Variants in HECW1 observed in about 807,000 individuals in gnomAD.
HECW1 encodes HECT, C2 and WW domain containing E3 ubiquitin protein ligase 1, also known as E3 ubiquitin-protein ligase HECW1.
A neutral mutation model predicts 182.3 loss-of-function variants in HECW1; 61 were observed. The observed-to-expected ratio is 0.33, with a 90% CI of 0.27 to 0.41. The LOEUF (loss-of-function observed/expected upper bound fraction) is 0.41. Among genes scored for constraint, HECW1 ranks in the 10% least tolerant of loss-of-function variants. The probability of loss-of-function intolerance (pLI) is 1.00; values close to 1 mark genes in which losing one functional copy is unlikely to be tolerated. For missense variants in HECW1, 1,739 were observed against 2,108.9 expected, an observed-to-expected ratio of 0.82 and a Z score of 3.44; for synonymous variants, 859 against 832.6, an observed-to-expected ratio of 1.03 and a Z score of -0.55.
At chr7:43,303,462 T>G (rs1807133048) in intron 3 of HECW1, among the ~76,000 whole-genome samples, 1 of 151,892 alleles carries the variant, frequency 6.6e-6, no homozygotes, top group Non-Finnish European at 1.5e-5. Flanking sequence ...TAAAATAATG[T>G]GTCTGACTGG....
intron 8 of HECW1, among the ~76,000 whole-genome samples, chr7:43,422,394 G>A (rs1390483442): frequency 1.4e-5 from 2 of 140,066 alleles, no homozygotes; most frequent in South Asian, 2.3e-4. Flanking sequence ...GAGGAGTCTC[G>A]CTCTGTCACC....
At chr7:43,480,844 T>G (rs547366327) in intron 17 of HECW1, among the ~76,000 whole-genome samples, 7 of 152,184 alleles carry the variant, frequency 4.6e-5, no homozygotes, top group African/African-American at 1.7e-4. Flanking sequence ...CTCCTCCAGA[T>G]AGCAAACATA....
At chr7:43,201,388 A>C (rs1227829079) in intron 2 of HECW1, among the ~76,000 whole-genome samples, 1 of 152,242 alleles carries the variant, frequency 6.6e-6, no homozygotes, top group Non-Finnish European at 1.5e-5. Flanking sequence ...ACCTCTGTGC[A>C]TGTTCATGGG....
chr7:43,145,398 C>T (rs564573765), intron 2 of HECW1, among the ~76,000 whole-genome samples: 6 of 152,256 alleles, frequency 3.9e-5, no homozygotes, highest in East Asian at 3.9e-4. Context: ...TGGGCTCAGG[C>T]GATCCTCCCA....
intron 2 of HECW1, among the ~76,000 whole-genome samples, chr7:43,182,230 T>A (rs1241097376): frequency 6.6e-6 from 1 of 152,254 alleles, no homozygotes; most frequent in Admixed American, 6.5e-5. Flanking sequence ...ATTTAACCAG[T>A]CCAATGTCAT....
chr7:43,262,826 T>C (rs1801329189), intron 3 of HECW1, among the ~76,000 whole-genome samples: 1 of 152,144 alleles, frequency 6.6e-6, no homozygotes, highest in Non-Finnish European at 1.5e-5. Flanking sequence ...ACTTCCACCT[T>C]CTCCCTACTT....
intron 2 of HECW1, among the ~76,000 whole-genome samples, chr7:43,217,355 G>A (rs1002252686): frequency 1.3e-5 from 2 of 152,200 alleles, no homozygotes; most frequent in African/African-American, 4.8e-5. Context: ...GCTAAATGAA[G>A]TCCCTTTCTG....
At chr7:43,331,413 A>T (rs1811470429) in intron 5 of HECW1, among the ~76,000 whole-genome samples, 2 of 151,690 alleles carry the variant, frequency 1.3e-5, no homozygotes, top group South Asian at 4.2e-4. Flanking sequence ...ACATGGTGAA[A>T]CCCCATCTCT....
In HECW1 at chr7:43,432,402, G is replaced by A. The variant is rs60532278; in HGVS notation, c.802-5601G>A. On this transcript the variant is annotated intron_variant, in intron 8 of 29. Coordinates refer to ENST00000395891, the MANE Select transcript of HECW1 (RefSeq NM_015052.5). The surrounding 1 kb of genome is among the most constrained non-coding windows in gnomAD (Gnocchi z 4.1). ...GATCCGCCCGCCTCGGCCTCCCAAA[G>A]TGCTGGGATTACAGGTGTGAGCCAC... Among the ~76,000 whole-genome samples, 254 of 152,290 alleles carry A rather than the reference G, an allele frequency of 1.7e-3. 3 individuals carry two copies. In the East Asian group the frequency reaches 0.031, roughly 18 times the overall value.
chr7:43,132,166 G>A lies in HECW1; in HGVS notation c.-32+17775G>A, dbSNP rs1395892653. ...GCATCTCCACACAGCCCCTCACAGC[G>A]CCCCCCCGCCCCAAGTAAGGTTTTG... is the stretch of plus-strand genomic sequence containing the variant. On this transcript the variant is annotated intron_variant, in intron 2 of 29. Coordinates refer to ENST00000395891, the MANE Select transcript of HECW1 (RefSeq NM_015052.5). Among the ~76,000 whole-genome samples, 5 of 141,958 alleles carry A rather than the reference G, an allele frequency of 3.5e-5. No homozygotes were observed. In the East Asian group the frequency reaches 6.2e-4, roughly 18 times the overall value. The allele number at this position is 141,958 out of a possible 152,430, so 93.1% of individuals were successfully genotyped here.
intron 5 of HECW1, among the ~76,000 whole-genome samples, chr7:43,325,770 G>C: frequency 6.6e-6 from 1 of 151,998 alleles, no homozygotes; most frequent in Non-Finnish European, 1.5e-5. Flanking sequence ...CTCACCTCCC[G>C]GGTCAGTCTT....
chr7:43,140,246 A>G (rs1788016659), intron 2 of HECW1, among the ~76,000 whole-genome samples: 1 of 151,730 alleles, frequency 6.6e-6, no homozygotes, highest in Admixed American at 6.6e-5. Flanking sequence ...GATTATTTTT[A>G]TGCTGACATC....
chr7:43,390,548 A>C (rs2074985189), intron 6 of HECW1, among the ~76,000 whole-genome samples: 1 of 147,966 alleles, frequency 6.8e-6, no homozygotes, highest in Admixed American at 6.8e-5. Context: ...AAAAAAAAAA[A>C]CAAAAAAAAA....
intron 12 of HECW1, among the ~76,000 whole-genome samples, chr7:43,452,043 T>A (rs896775755): frequency 2.6e-5 from 4 of 152,244 alleles, no homozygotes; most frequent in African/African-American, 4.8e-5. Context: ...ACATCTTTTA[T>A]ATGTGGACTA....
rs1226147926 is a variant in HECW1 at position 43,311,939 on chromosome 7, C to T, written c.204C>T (p.Ser68=). ...GCGTCACCATTCCCCGCTCCACCAG[C>T]GACACTGACCTGGTCACCTCGGACA... ...HDGVTIPRST[S]DTDLVTSDSR... The change falls in exon 4 of 30, where the codon AGC becomes AGT. Residue 68 remains serine, a synonymous_variant. Coordinates refer to ENST00000395891, the MANE Select transcript of HECW1 (RefSeq NM_015052.5). 16 of 1,614,068 alleles carry T rather than the reference C, an allele frequency of 9.9e-6. No homozygotes were observed. In the East Asian group the frequency reaches 3.3e-4, roughly 34 times the overall value.
intron 5 of HECW1, among the ~76,000 whole-genome samples, chr7:43,341,307 TATAAATAA>T (rs61727601): frequency 0.018 from 2,715 of 148,644 alleles, 111 homozygotes; most frequent in African/African-American, 0.057. Context: ...CTTACAGTAT[TATAAATAA>T]ATAAATAAAT....
chr7:43,362,343 C>T (rs747431324), intron 6 of HECW1, among the ~76,000 whole-genome samples: 1 of 152,178 alleles, frequency 6.6e-6, no homozygotes, highest in Non-Finnish European at 1.5e-5. Context: ...CCATCCTCGG[C>T]AGGACTGGAC....
At position 43,563,525 on chromosome 7, in the gene HECW1, T is replaced by C. The variant is rs1236092963; in HGVS notation, c.*1599T>C. The C allele has an allele frequency of 1.0e-5, 2 of 195,422 alleles. No homozygotes were observed. Among genetic ancestry groups the C allele is most frequent in the Non-Finnish European group, 2.1e-5 (2 of 94,096 alleles). The allele number at this position is 195,422 out of a possible 1,614,324, so 12.1% of individuals were successfully genotyped here. A position where few individuals can be genotyped will look rare whatever the true frequency, so the allele number is the denominator to read the frequency against. Reference sequence around the variant, plus strand: ...GTGAATTTCATATGAAGCCAATGGCTCATTATACCAGTTTGTGTCTGGACA... The same window carrying C: ...GTGAATTTCATATGAAGCCAATGGCCCATTATACCAGTTTGTGTCTGGACA... On this transcript the variant is annotated 3_prime_UTR_variant, in exon 30 of 30. Coordinates refer to ENST00000395891, the MANE Select transcript of HECW1 (RefSeq NM_015052.5).
chr7:43,463,902 G>A, intron 14 of HECW1, 103 bp downstream of exon 14: 1 of 1,322,334 alleles, frequency 7.6e-7, no homozygotes, highest in East Asian at 2.3e-5. Context: ...ATGTGCCCCA[G>A]GGTGAAGAGA....
Sources: allele counts gnomAD v4.1 joint callset (sites outside exome capture counted in the v4.1 genomes callset), GRCh38; gene constraint gnomAD v4.1.1; non-coding constraint Gnocchi (gnomAD v3.1); transcripts MANE v1.5; gene names NCBI Gene and HGNC (gene_info 2026-07-23, HGNC 2026-07-21).